Variants in WNK2 observed in about 807,000 individuals in gnomAD.
The protein encoded by WNK2 is WNK lysine deficient protein kinase 2.
A neutral mutation model predicts 192.1 loss-of-function variants in WNK2; 67 were observed. The observed-to-expected ratio is 0.35, with a 90% CI of 0.29 to 0.43. The LOEUF is 0.43. Among genes scored for constraint, WNK2 ranks in the 20% least tolerant of loss-of-function variants. WNK2 has a pLI of 1.00. For missense variants in WNK2, 2,698 were observed against 3,089.7 expected (o/e 0.87, Z 3.01); for synonymous variants, 1,439 against 1,393.9 (o/e 1.03, Z -0.72).
chr9:93,291,013 C>T (rs1360977980), intron 21 of WNK2, among the ~76,000 whole-genome samples: 2 of 152,212 alleles, frequency 1.3e-5, no homozygotes, highest in Non-Finnish European at 2.9e-5. Flanking sequence ...GCAGGCGGGA[C>T]CCCGTAGTCC....
chr9:93,204,199 C>T (rs1030094301), intron 2 of WNK2, among the ~76,000 whole-genome samples: 9 of 152,112 alleles, frequency 5.9e-5, no homozygotes, highest in Non-Finnish European at 7.4e-5. Flanking sequence ...ATATGAAAAC[C>T]GTTCAGAGAT....
At chr9:93,240,016 T>C in intron 7 of WNK2, 40 bp downstream of exon 7, 1 of 1,571,768 alleles carries the variant, frequency 6.4e-7, no homozygotes, top group Non-Finnish European at 8.6e-7. Flanking sequence ...GTGCAGGTGT[T>C]GGCAGCTCGT....
rs56062309 is a variant in WNK2 at position 93,256,369 on chromosome 9, C to T, written c.2105C>T (p.Pro702Leu). Reference protein sequence around the residue: ...PPSLQQHFPDPAMSFAPVLPP... With the variant: ...PPSLQQHFPDLAMSFAPVLPP... ...TCCCTCCAGCAGCACTTCCCGGATC[C>T]GGCCATGAGCTTCGCCCCCGTGCTG... Residue 702 changes from proline (P) to leucine (L), a missense_variant, in exon 10 of 30, where the codon CCG (proline) becomes CTG (leucine). Physicochemically the swap from Pro to Leu is moderately conservative, Grantham distance 98. Transcript: ENST00000427277. 229 of 1,578,172 alleles carry T rather than the reference C, an allele frequency of 1.5e-4. No homozygotes were observed. The highest frequency in any genetic ancestry group is 3.5e-4 in the Admixed American group (20 of 57,204).
rs1438802279 is a variant in WNK2, at chr9:93,290,685, C to A, written c.4936+638C>A. Among the ~76,000 whole-genome samples the A allele has an allele frequency of 2.6e-5, 4 of 152,240 alleles. No individual in the cohort carries two copies. In the East Asian group the frequency reaches 7.7e-4, roughly 29 times the overall value. On this transcript the variant is annotated intron_variant, in intron 21 of 29. Transcript: ENST00000427277. ...TTACAAGATGCCCACAAAAACCCAG[C>A]CTTACTTCAGCTATAGCAGAGCAGT... is the stretch of plus-strand genomic sequence containing the variant.
Position 93,247,841 on chromosome 9 carries a change from G to A in WNK2, c.1834+7G>A. On this transcript the variant is annotated splice_region_variant and intron_variant, in intron 8 of 29. Coordinates refer to ENST00000427277, the MANE Select transcript of WNK2 (RefSeq NM_006648.4). This position sits in a 1 kb window ranked among gnomAD's most constrained non-coding sequence, Gnocchi z 5.2. ...AGCGCCACCTCCCTGGCCTGTGAGT[G>A]CTCAGGGGTGGGATGGCCATGGGCA... 6.5e-7 allele frequency: 1 copy of A among 1,535,590 alleles called. No individual in the cohort carries two copies. The highest frequency in any genetic ancestry group is 8.7e-7 in the Non-Finnish European group (1 of 1,146,556).
At chr9:93,231,760 T>G (rs1244399009) in intron 4 of WNK2, among the ~76,000 whole-genome samples, 4 of 152,200 alleles carry the variant, frequency 2.6e-5, no homozygotes, top group African/African-American at 9.6e-5. Flanking sequence ...TGAGAAGCCT[T>G]CCCAGCCTTC....
Position 93,308,358 on chromosome 9 carries a change from C to G in WNK2, c.6290C>G (p.Pro2097Arg), listed in dbSNP as rs1050559512. The change falls in exon 28 of 30, where the codon CCT (proline) becomes CGT (arginine). Residue 2097 changes from proline to arginine, a missense_variant. Around this residue, in one of 7 missense-constraint regions of WNK2, gnomAD observed 167 missense variants for 184.2 expected, o/e 0.91. Transcript: ENST00000427277. ...RSSTSSLAPG[P>R]EPGPQPALHV... Reference sequence around the variant, plus strand: ...TCCACCAGCAGCCTGGCCCCAGGCCCTGAGCCAGGCCCCCAGCCCGCCCTG... The same window carrying G: ...TCCACCAGCAGCCTGGCCCCAGGCCGTGAGCCAGGCCCCCAGCCCGCCCTG... The G allele has an allele frequency of 8.4e-6, 13 of 1,556,560 alleles. No individual in the cohort carries two copies. Among genetic ancestry groups the G allele is most frequent in the South Asian group, 1.2e-5 (1 of 84,358 alleles).
chr9:93,304,089 C>T (rs1192350306), intron 26 of WNK2, among the ~76,000 whole-genome samples: 2 of 152,202 alleles, frequency 1.3e-5, no homozygotes, highest in African/African-American at 2.4e-5. Context: ...GTGGGGATTG[C>T]TCAGGGGCTG....
intron 7 of WNK2, 127 bp downstream of exon 7, chr9:93,240,103 G>T (rs1190460829): frequency 1.1e-5 from 11 of 991,316 alleles, no homozygotes; most frequent in Non-Finnish European, 1.7e-5. Flanking sequence ...GGGTGTGGCG[G>T]TGCCATCCAG....
At position 93,256,346 on chromosome 9, in the gene WNK2, C is replaced by G. The variant is rs763514470; in HGVS notation, c.2082C>G (p.Ser694=). 1.3e-6 allele frequency: 2 copies of G among 1,585,236 alleles called. No individual in the cohort carries two copies. Among genetic ancestry groups the G allele is most frequent in the South Asian group, 2.3e-5 (2 of 87,566 alleles). The change falls in exon 10 of 30, where the codon TCC becomes TCG. Residue 694 remains serine (S), a synonymous_variant. Coordinates refer to ENST00000427277, the MANE Select transcript of WNK2 (RefSeq NM_006648.4). ...GSVPAPACPP[S]LQQHFPDPAM... Reference sequence around the variant, plus strand: ...TCCCGGCCCCCGCCTGCCCTCCGTCCCTCCAGCAGCACTTCCCGGATCCGG... The same window carrying G: ...TCCCGGCCCCCGCCTGCCCTCCGTCGCTCCAGCAGCACTTCCCGGATCCGG...
chr9:93,253,352 C>T (rs1842855869), intron 9 of WNK2, among the ~76,000 whole-genome samples: 1 of 151,594 alleles, frequency 6.6e-6, no homozygotes, highest in South Asian at 2.1e-4. Context: ...ATAGGAAAGA[C>T]ACCCTATTGG....
Position 93,269,086 on chromosome 9 carries a change from C to T in WNK2, c.4033+340C>T, listed in dbSNP as rs1845656172. 6 of 798,072 alleles carry T rather than the reference C, an allele frequency of 7.5e-6. 1 individual carries two copies. The East Asian group carries it at 1.6e-4, about 21-fold the overall frequency. 49.4% of individuals were successfully genotyped at this position (798,072 alleles called of 1,614,324 possible). On this transcript the variant is annotated intron_variant, in intron 19 of 29. Coordinates refer to ENST00000427277, the MANE Select transcript of WNK2 (RefSeq NM_006648.4). ...GCTCCTGTCCCTTTCCTCTGTGCCG[C>T]ACACCTGCAGCAGACACGCCTCTGC... is the stretch of plus-strand genomic sequence containing the variant.
Position 93,259,638 on chromosome 9 carries a change from T to A in WNK2, c.3066+24T>A. On this transcript the variant is annotated intron_variant, in intron 12 of 29. Coordinates refer to ENST00000427277, the MANE Select transcript of WNK2 (RefSeq NM_006648.4). This position sits in a 1 kb window ranked among gnomAD's most constrained non-coding sequence, Gnocchi z 4.8. ...AGGTAATCACCTGCTGGGCAGGGGC[T>A]CACCCTCCCAGCGTCTGGGGACCCT... 6.5e-7 allele frequency: 1 copy of A among 1,530,890 alleles called. No homozygotes were observed. The highest frequency in any genetic ancestry group is 1.4e-5 in the African/African-American group (1 of 72,640). 94.8% of individuals were successfully genotyped at this position (1,530,890 alleles called of 1,614,324 possible). A position where few individuals can be genotyped will look rare whatever the true frequency, so the allele number is the denominator to read the frequency against.
At chr9:93,264,215 CCTTGGGTTTGGAAGAACAG>C (rs1383186374) in intron 16 of WNK2, among the ~76,000 whole-genome samples, 182 bp downstream of exon 16, 1 of 152,132 alleles carries the variant, frequency 6.6e-6, no homozygotes, top group Non-Finnish European at 1.5e-5. Flanking sequence ...GGCGGAAACC[CCTTGGGTTTGGAAGAACAG>C]CTTGAAGGAT....
chr9:93,234,091 C>T (rs961697813), intron 4 of WNK2, among the ~76,000 whole-genome samples: 7 of 152,216 alleles, frequency 4.6e-5, no homozygotes, highest in Non-Finnish European at 1.0e-4. Context: ...CCAGCCAGCA[C>T]GTCTAGCCTC....
intron 8 of WNK2, among the ~76,000 whole-genome samples, chr9:93,251,944 GAA>G (rs1588188655): frequency 6.6e-6 from 1 of 152,206 alleles, no homozygotes; most frequent in East Asian, 1.9e-4. Context: ...CCATTCCTGG[GAA>G]AAGTTATTTT....
intron 23 of WNK2, among the ~76,000 whole-genome samples, chr9:93,297,331 T>C (rs1850769033): frequency 6.6e-6 from 1 of 152,192 alleles, no homozygotes; most frequent in African/African-American, 2.4e-5. Flanking sequence ...GTGGGACCTG[T>C]GGCAGTGGGC....
At chr9:93,212,650 CT>C (rs768978764) in intron 2 of WNK2, among the ~76,000 whole-genome samples, 13 of 152,292 alleles carry the variant, frequency 8.5e-5, no homozygotes, top group South Asian at 6.2e-4. Flanking sequence ...CCACTTCCCT[CT>C]CTGTAAAATG....
chr9:93,197,733 A>T (rs1283253322), intron 2 of WNK2, among the ~76,000 whole-genome samples: 1 of 152,022 alleles, frequency 6.6e-6, no homozygotes, highest in Non-Finnish European at 1.5e-5. Flanking sequence ...ATCTTGCCCA[A>T]GTTGGTCTTG....
Sources: allele counts gnomAD v4.1 joint callset (sites outside exome capture counted in the v4.1 genomes callset), GRCh38; gene constraint gnomAD v4.1.1; regional missense constraint gnomAD v4.1.1; non-coding constraint Gnocchi (gnomAD v3.1); transcripts MANE v1.5; gene names NCBI Gene and HGNC (gene_info 2026-07-23, HGNC 2026-07-21).